The following RAB28 variants were observed in gnomAD, a reference collection of about 807,000 sequenced individuals.
RAB28 encodes ras-related protein Rab-28.
In RAB28, 24 loss-of-function variants were observed where a neutral mutation model predicts 31.7. The ratio of observed to expected loss-of-function variants is 0.76; its 90% CI spans 0.55 to 1.06. The LOEUF is 1.06. RAB28 is among the 50% of genes least tolerant of loss of function. RAB28 has a pLI of 0.00. For missense variants in RAB28, 254 were observed against 258.5 expected, an observed-to-expected ratio of 0.98 and a Z score of 0.12; for synonymous variants, 100 against 90.4, an observed-to-expected ratio of 1.11 and a Z score of -0.60.
At chr4:13,395,998 G>C (rs573939728) in intron 4 of RAB28, among the ~76,000 whole-genome samples, 1 of 151,854 alleles carries the variant, frequency 6.6e-6, no homozygotes, top group African/African-American at 2.4e-5. Context: ...TATTATTAAT[G>C]TCTACTTGCT....
chr4:13,397,450 A>T (rs1289278347), intron 4 of RAB28, among the ~76,000 whole-genome samples: 2 of 152,122 alleles, frequency 1.3e-5, no homozygotes, highest in East Asian at 3.8e-4. Flanking sequence ...ACCACTTTCC[A>T]TATTCTTCTG....
intron 4 of RAB28, among the ~76,000 whole-genome samples, chr4:13,431,259 C>T (rs1713791378): frequency 6.6e-6 from 1 of 152,160 alleles, no homozygotes; most frequent in African/African-American, 2.4e-5. Context: ...CCCACAGCCA[C>T]ACTGAATCCA....
Position 13,460,423 on chromosome 4 carries a change from C to T in RAB28, c.391+276G>A, listed in dbSNP as rs115147709. ...AGAGACAAGGGTCTCACTATGTTGGCCAGGTTTGTCCGAAACTCCTGGCCT... is the reference window on the plus strand; with the variant it reads ...AGAGACAAGGGTCTCACTATGTTGGTCAGGTTTGTCCGAAACTCCTGGCCT... On this transcript the variant is annotated intron_variant, in intron 4 of 6. Transcript: ENST00000330852. Among the ~76,000 whole-genome samples the T allele has an allele frequency of 4.7e-3, 713 of 152,230 alleles. 3 individuals are homozygous for T. The highest frequency in any genetic ancestry group is 8.6e-3 in the Non-Finnish European group (583 of 68,016).
intron 4 of RAB28, among the ~76,000 whole-genome samples, chr4:13,392,369 C>G (rs1273377890): frequency 2.0e-5 from 3 of 151,892 alleles, no homozygotes; most frequent in Admixed American, 6.6e-5. Context: ...TTTTCATATC[C>G]CAAGAGATGA....
rs968377056 is a variant in RAB28 at position 13,472,804 on chromosome 4, C to G, written c.261+1514G>C. ...AGCAAGTTGTCTCTAGCTTAGTATC[C>G]ACTTTAATCAGTTTAAAACAGAAAA... On this transcript the variant is annotated intron_variant, in intron 3 of 6. Transcript: ENST00000330852. 4.0e-5 allele frequency among the ~76,000 whole-genome samples: 6 copies of G among 149,636 alleles called. No homozygotes were observed. The Admixed American group carries it at 4.1e-4, about 10-fold the overall frequency.
intron 3 of RAB28, among the ~76,000 whole-genome samples, chr4:13,471,370 G>C (rs1716112141): frequency 6.6e-6 from 1 of 152,076 alleles, no homozygotes; most frequent in South Asian, 2.1e-4. Flanking sequence ...ATGAGTCACA[G>C]CTTCTCTAGC....
chr4:13,433,091 T>G (rs75281364), intron 4 of RAB28, among the ~76,000 whole-genome samples: 8,471 of 142,296 alleles, frequency 0.06, 548 homozygotes, highest in African/African-American at 0.17. Context: ...ATGACACCCA[T>G]AGGCTCAAAG....
chr4:13,401,400 T>C (rs1475534949), intron 4 of RAB28, among the ~76,000 whole-genome samples: 2 of 152,100 alleles, frequency 1.3e-5, no homozygotes, highest in Non-Finnish European at 2.9e-5. Flanking sequence ...AGGGGAGGGA[T>C]AGCATTAGGA....
At chr4:13,482,937 G>A (rs1050572847) in intron 1 of RAB28, among the ~76,000 whole-genome samples, 2 of 152,162 alleles carry the variant, frequency 1.3e-5, no homozygotes, top group Non-Finnish European at 2.9e-5. Flanking sequence ...AGAAACCAGG[G>A]TCCGAAATGC....
At chr4:13,398,914 T>C (rs1711598939) in intron 4 of RAB28, among the ~76,000 whole-genome samples, 1 of 151,202 alleles carries the variant, frequency 6.6e-6, no homozygotes, top group Admixed American at 6.6e-5. Flanking sequence ...GATAGAACAT[T>C]ATTTAAAGTA....
In RAB28 at chr4:13,459,864, T is replaced by C. The variant is rs1191007391; in HGVS notation, c.391+835A>G. 5 of 1,289,030 alleles carry C rather than the reference T, an allele frequency of 3.9e-6. No individual in the cohort carries two copies. The African/African-American group carries it at 4.6e-5, about 12-fold the overall frequency. The allele number at this position is 1,289,030 out of a possible 1,614,324, so 79.8% of individuals were successfully genotyped here. A position where few individuals can be genotyped will look rare whatever the true frequency, so the allele number is the denominator to read the frequency against. On this transcript the variant is annotated intron_variant, in intron 4 of 6. Coordinates refer to ENST00000330852, the MANE Select transcript of RAB28 (RefSeq NM_001017979.3). ...CTCTGGGACAGAGCTGAAACTGCAA[T>C]GCAATATCATAAAATCTGCAGCTGT...
At chr4:13,416,750 C>A (rs942293295) in intron 4 of RAB28, among the ~76,000 whole-genome samples, 8 of 152,130 alleles carry the variant, frequency 5.3e-5, no homozygotes, top group Admixed American at 3.9e-4. Context: ...TCATTAAATG[C>A]ACACAAACGA....
chr4:13,396,244 T>A (rs1729868927), intron 4 of RAB28, among the ~76,000 whole-genome samples: 1 of 152,036 alleles, frequency 6.6e-6, no homozygotes, highest in Admixed American at 6.6e-5. Flanking sequence ...CAGGGAAACA[T>A]CTTGAGTGTT....
intron 6 of RAB28, among the ~76,000 whole-genome samples, chr4:13,376,098 C>G (rs368950836): frequency 2.0e-5 from 3 of 152,092 alleles, no homozygotes; most frequent in African/African-American, 7.2e-5. Context: ...CCTAAGAAAA[C>G]TATCTAGGAA....
chr4:13,467,158 A>C (rs59858667), intron 3 of RAB28, among the ~76,000 whole-genome samples: 11,053 of 151,940 alleles, frequency 0.073, 969 homozygotes, highest in African/African-American at 0.21. Flanking sequence ...AATTGCTAAA[A>C]GACTAAATTT....
intron 4 of RAB28, among the ~76,000 whole-genome samples, chr4:13,453,220 T>A (rs1017689163): frequency 1.4e-4 from 21 of 152,264 alleles, no homozygotes; most frequent in African/African-American, 4.8e-4. Flanking sequence ...TGTCTTAATA[T>A]ATTAAATAAG....
At chr4:13,454,057 G>A (rs1319159032) in intron 4 of RAB28, among the ~76,000 whole-genome samples, 2 of 151,284 alleles carry the variant, frequency 1.3e-5, no homozygotes, top group Non-Finnish European at 2.9e-5. Flanking sequence ...ATTTTTGTCT[G>A]TGCTATTTCA....
intron 4 of RAB28, among the ~76,000 whole-genome samples, chr4:13,418,890 T>A (rs1458028095): frequency 6.6e-6 from 1 of 152,116 alleles, no homozygotes; most frequent in African/African-American, 2.4e-5. Flanking sequence ...AGGATCAAAT[T>A]CACACATAAC....
chr4:13,453,567 G>A (rs759146094), intron 4 of RAB28, among the ~76,000 whole-genome samples: 7 of 151,828 alleles, frequency 4.6e-5, no homozygotes, highest in South Asian at 2.1e-4. Flanking sequence ...GTTCTTGCTT[G>A]TCTAAAAAGG....
Sources: allele counts gnomAD v4.1 joint callset (sites outside exome capture counted in the v4.1 genomes callset), GRCh38; gene constraint gnomAD v4.1.1; transcripts MANE v1.5; gene names NCBI Gene and HGNC (gene_info 2026-07-23, HGNC 2026-07-21).